The following SEMA3A variants were observed in gnomAD, a reference collection of about 807,000 sequenced individuals.
SEMA3A encodes semaphorin 3A, also known as semaphorin-3A.
A neutral mutation model predicts 97.9 loss-of-function variants in SEMA3A; 29 were observed. That is an observed-to-expected ratio of 0.30 (90% CI 0.22 to 0.40). The LOEUF is 0.40. Among genes scored for constraint, SEMA3A ranks in the 10% least tolerant of loss-of-function variants. SEMA3A has a pLI of 1.00. For missense variants in SEMA3A, 763 were observed against 951.3 expected, an observed-to-expected ratio of 0.80 and a Z score of 2.60; for synonymous variants, 321 against 323.7, an observed-to-expected ratio of 0.99 and a Z score of 0.09.
intron 6 of SEMA3A, among the ~76,000 whole-genome samples, chr7:84,033,812 T>G (rs1318147689): frequency 6.6e-6 from 1 of 152,004 alleles, no homozygotes; most frequent in East Asian, 1.9e-4. Flanking sequence ...AGTCCACATT[T>G]TGAACAAGAT....
At chr7:84,215,450 A>C (rs1798729639) in intron 3 of SEMA3A, among the ~76,000 whole-genome samples, 1 of 152,188 alleles carries the variant, frequency 6.6e-6, no homozygotes, top group Non-Finnish European at 1.5e-5. Context: ...TTGGCCTCCC[A>C]AAGTGCTGGG....
chr7:84,466,623 T>C (rs886083858), intron 1 of SEMA3A, among the ~76,000 whole-genome samples: 2 of 152,216 alleles, frequency 1.3e-5, no homozygotes, highest in Non-Finnish European at 2.9e-5. Flanking sequence ...CTCAATTTCG[T>C]ATTAGCATAT....
chr7:84,075,364 G>A (rs974025813), intron 4 of SEMA3A, among the ~76,000 whole-genome samples: 3 of 151,222 alleles, frequency 2.0e-5, no homozygotes, highest in Non-Finnish European at 2.9e-5. Context: ...TAGTAGAGAC[G>A]GCCAGGCTGG....
intron 1 of SEMA3A, among the ~76,000 whole-genome samples, chr7:84,424,939 A>ATAATT (rs1166376637): frequency 5.1e-5 from 5 of 97,106 alleles, no homozygotes; most frequent in Admixed American, 1.7e-4. Flanking sequence ...ATTTATATAA[A>ATAATT]TATATATTTA....
At chr7:84,114,950 G>T (rs1293699903) in intron 3 of SEMA3A, among the ~76,000 whole-genome samples, 1 of 152,054 alleles carries the variant, frequency 6.6e-6, no homozygotes, top group African/African-American at 2.4e-5. Flanking sequence ...TGTTGAATTT[G>T]TGACTTGGAA....
intron 3 of SEMA3A, among the ~76,000 whole-genome samples, chr7:84,217,579 A>G (rs1015629): frequency 0.7 from 106,165 of 151,908 alleles, 37,436 homozygotes; most frequent in East Asian, 0.79. Context: ...TGGGGTATGA[A>G]GAGGGAATCA....
At chr7:84,360,941 A>C (rs946137152) in intron 2 of SEMA3A, among the ~76,000 whole-genome samples, 10 of 152,064 alleles carry the variant, frequency 6.6e-5, no homozygotes, top group South Asian at 4.1e-4. Flanking sequence ...ATCTACTTTC[A>C]GGAATTAAAA....
chr7:84,413,828 G>A (rs1456493529), intron 1 of SEMA3A, among the ~76,000 whole-genome samples: 7 of 151,992 alleles, frequency 4.6e-5, no homozygotes, highest in Non-Finnish European at 7.4e-5. Context: ...AAAATATAAC[G>A]TAGTGAAAAT....
intron 15 of SEMA3A, among the ~76,000 whole-genome samples, chr7:83,972,777 A>G (rs967456832): frequency 6.6e-6 from 1 of 152,160 alleles, no homozygotes; most frequent in African/African-American, 2.4e-5. Flanking sequence ...AAAGACTTCA[A>G]TGGAGAATAA....
intron 5 of SEMA3A, among the ~76,000 whole-genome samples, chr7:84,046,889 A>C (rs73187457): frequency 0.048 from 7,316 of 152,126 alleles, 283 homozygotes; most frequent in East Asian, 0.19. Context: ...CATAGCTTTT[A>C]TTCTAATGGC....
At position 84,355,354 on chromosome 7, in the gene SEMA3A, A is replaced by AT. The variant is rs573829583; in HGVS notation, c.-169+16469dup. On this transcript the variant is annotated intron_variant, in intron 2 of 3. Transcript: ENST00000424555. ...CCTTGGACTATCACTGTGATTTTGT[A>AT]TTACTTACAATAATACATCTATTAC... is the stretch of plus-strand genomic sequence containing the variant. 2.2e-4 allele frequency among the ~76,000 whole-genome samples: 33 copies of AT among 152,012 alleles called. 2 individuals are homozygous for AT. The South Asian group carries it at 6.2e-3, about 29-fold the overall frequency.
chr7:84,301,803 G>A (rs1363656211), intron 3 of SEMA3A, among the ~76,000 whole-genome samples: 9 of 152,162 alleles, frequency 5.9e-5, no homozygotes, highest in South Asian at 4.2e-4. Context: ...GCCCTGATGC[G>A]GAATGACAGG....
chr7:83,961,160 G>C lies in SEMA3A; in HGVS notation c.*211C>G. 1.7e-6 allele frequency: 1 copy of C among 573,858 alleles called. No individual in the cohort carries two copies. Among genetic ancestry groups the C allele is most frequent in the South Asian group, 2.0e-5 (1 of 48,918 alleles). 35.5% of individuals were successfully genotyped at this position (573,858 alleles called of 1,614,324 possible). On this transcript the variant is annotated 3_prime_UTR_variant, in exon 17 of 17. Transcript: ENST00000265362. ...AAAGTGAACATCTGCATTCACCTGT[G>C]TTCTCTGTTAGGTGGTGGTATTAGG...
chr7:84,210,971 A>G (rs565453540), intron 3 of SEMA3A, among the ~76,000 whole-genome samples: 4 of 152,286 alleles, frequency 2.6e-5, no homozygotes, highest in African/African-American at 9.6e-5. Context: ...GTTAGCACTT[A>G]GACAAGATAT....
At chr7:84,030,900 ATTCT>A (rs1791722355) in intron 6 of SEMA3A, among the ~76,000 whole-genome samples, 1 of 151,854 alleles carries the variant, frequency 6.6e-6, no homozygotes, top group South Asian at 2.1e-4. Flanking sequence ...AGCTAAGAAA[ATTCT>A]TTAATAGGAT....
rs1801395468 is a variant in SEMA3A, at chr7:84,313,334, ATATATATGTATATGTGTGTG to A, written c.-168-6062_-168-6043del. 4.2e-5 allele frequency among the ~76,000 whole-genome samples: 5 copies of A among 120,480 alleles called. 1 individual carries two copies. Among genetic ancestry groups the A allele is most frequent in the African/African-American group, 1.8e-4 (5 of 27,112 alleles). 79.0% of individuals were successfully genotyped at this position (120,480 alleles called of 152,430 possible). On this transcript the variant is annotated intron_variant, in intron 2 of 3. Coordinates refer to the SEMA3A transcript ENST00000424555. ...ATATACGTGTGTATATAATACATATATATATATGTATATGTGTGTGTGTATATATATATATATATATATAT... is the reference window on the plus strand; with the variant it reads ...ATATACGTGTGTATATAATACATATATGTATATATATATATATATATATAT...
chr7:84,288,248 G>A (rs1323439130), intron 3 of SEMA3A, among the ~76,000 whole-genome samples: 1 of 151,992 alleles, frequency 6.6e-6, no homozygotes, highest in Non-Finnish European at 1.5e-5. Context: ...ACCATGCCCA[G>A]CTAATCTTTA....
chr7:84,158,864 A>T (rs575166514), intron 1 of SEMA3A, among the ~76,000 whole-genome samples: 2 of 151,996 alleles, frequency 1.3e-5, no homozygotes, highest in East Asian at 3.9e-4. Context: ...AGATAATAGC[A>T]AAGAAAATTT....
intron 2 of SEMA3A, among the ~76,000 whole-genome samples, chr7:84,323,536 C>G (rs1355481062): frequency 6.6e-6 from 1 of 151,632 alleles, no homozygotes; most frequent in Non-Finnish European, 1.5e-5. Context: ...GGGGTACTTG[C>G]AATGTACAAA....
Sources: allele counts gnomAD v4.1 joint callset (sites outside exome capture counted in the v4.1 genomes callset), GRCh38; gene constraint gnomAD v4.1.1; transcripts MANE v1.5; gene names NCBI Gene and HGNC (gene_info 2026-07-23, HGNC 2026-07-21).